Variants in HBS1L observed in about 807,000 individuals in gnomAD.
HBS1L encodes HBS1-like protein.
In HBS1L, 55 loss-of-function variants were observed where a neutral mutation model predicts 88.9. That is an observed-to-expected ratio of 0.62 (90% CI 0.50 to 0.77). The LOEUF (loss-of-function observed/expected upper bound fraction) is 0.77. HBS1L is among the 30% of genes least tolerant of loss of function. HBS1L has a pLI of 0.00. For synonymous variants in HBS1L, 267 were observed against 288.5 expected, an observed-to-expected ratio of 0.93 and a Z score of 0.76; for missense variants, 741 against 829.3, an observed-to-expected ratio of 0.89 and a Z score of 1.31.
At chr6:134,984,913 C>T (rs1774935232) in intron 12 of HBS1L, among the ~76,000 whole-genome samples, 1 of 151,990 alleles carries the variant, frequency 6.6e-6, no homozygotes, top group Non-Finnish European at 1.5e-5. Context: ...CAGACTGTTA[C>T]AGATGGGGAG....
chr6:135,046,960 T>A (rs558114839), intron 2 of HBS1L, among the ~76,000 whole-genome samples: 1 of 152,352 alleles, frequency 6.6e-6, no homozygotes, highest in South Asian at 2.1e-4. Flanking sequence ...TTGAAAAATT[T>A]AAAAATCCAA....
At chr6:135,036,932 G>A (rs759440756) in intron 4 of HBS1L, 1 of 1,551,360 alleles carries the variant, frequency 6.4e-7, no homozygotes, top group Non-Finnish European at 8.7e-7. Context: ...GCAATGGATG[G>A]GTCTACTACA....
chr6:135,025,597 A>G (rs1017827980), intron 4 of HBS1L, among the ~76,000 whole-genome samples: 1 of 152,162 alleles, frequency 6.6e-6, no homozygotes, highest in Admixed American at 6.5e-5. Context: ...CTCAGTCACC[A>G]CACCCCTCCC....
At chr6:135,002,604 A>G in intron 5 of HBS1L, 130 bp downstream of exon 5, 1 of 600,576 alleles carries the variant, frequency 1.7e-6, no homozygotes, top group Non-Finnish European at 3.0e-6. Flanking sequence ...TGTTATACTG[A>G]GGATATATGA....
intron 4 of HBS1L, among the ~76,000 whole-genome samples, chr6:135,032,633 T>A (rs921683026): frequency 6.6e-6 from 1 of 152,148 alleles, no homozygotes; most frequent in African/African-American, 2.4e-5. Flanking sequence ...ATGGTCCACA[T>A]ACAGATTCAG....
rs774317429 is a variant in HBS1L, at chr6:134,985,438, G to A, written c.1424-29C>T. ...GAAAAAAGAAATTGCAAAAGGCAAG[G>A]TTTAATTTAAAATTAAATTTTTGAC... On this transcript the variant is annotated intron_variant, in intron 11 of 17. Coordinates refer to ENST00000367837, the MANE Select transcript of HBS1L (RefSeq NM_006620.4). The A allele has an allele frequency of 3.5e-5, 51 of 1,464,472 alleles. No homozygotes were observed. The South Asian group carries it at 5.6e-4, about 16-fold the overall frequency. 90.7% of individuals were successfully genotyped at this position (1,464,472 alleles called of 1,614,324 possible). A position where few individuals can be genotyped will look rare whatever the true frequency, so the allele number is the denominator to read the frequency against.
intron 4 of HBS1L, 59 bp from the exon 5 acceptor site, chr6:135,002,901 T>C: frequency 3.5e-6 from 3 of 868,876 alleles, no homozygotes; most frequent in Non-Finnish European, 5.4e-6. Flanking sequence ...TAAAGAAATC[T>C]ATTACATAGT....
chr6:135,012,205 T>G (rs1192236639), intron 4 of HBS1L, among the ~76,000 whole-genome samples: 2 of 152,178 alleles, frequency 1.3e-5, no homozygotes, highest in African/African-American at 2.4e-5. Context: ...AACAATGGAA[T>G]AGTATGCTAC....
intron 4 of HBS1L, among the ~76,000 whole-genome samples, chr6:135,011,361 A>C (rs1007229724): frequency 1.3e-5 from 2 of 151,914 alleles, no homozygotes; most frequent in African/African-American, 4.8e-5. Flanking sequence ...ACACACAAAA[A>C]AATTTTCAAT....
At chr6:135,035,445 A>G (rs1204610431) in intron 4 of HBS1L, among the ~76,000 whole-genome samples, 1 of 149,578 alleles carries the variant, frequency 6.7e-6, no homozygotes, top group African/African-American at 2.5e-5. Context: ...ATCTTAAAAA[A>G]AATAATAAGA....
chr6:134,990,386 G>A (rs973241794), intron 8 of HBS1L, among the ~76,000 whole-genome samples: 1 of 151,982 alleles, frequency 6.6e-6, no homozygotes, highest in Non-Finnish European at 1.5e-5. Context: ...TCTATACTGT[G>A]ATTTCCCTGA....
At chr6:134,994,826 T>G (rs1207987351) in intron 7 of HBS1L, among the ~76,000 whole-genome samples, 1 of 152,094 alleles carries the variant, frequency 6.6e-6, no homozygotes, top group Non-Finnish European at 1.5e-5. Flanking sequence ...ACAAGGGCAC[T>G]CAGTCATTCT....
chr6:134,964,149 T>TA lies in HBS1L; in HGVS notation c.*1129dup, dbSNP rs1196636474. ...GGTGCAGGGAGAAGAAATGCTGTTG[T>TA]ATATGTTAAGCCATCGATATACAAA... is the stretch of plus-strand genomic sequence containing the variant. On this transcript the variant is annotated 3_prime_UTR_variant, in exon 18 of 18. Coordinates refer to ENST00000367837, the MANE Select transcript of HBS1L (RefSeq NM_006620.4). 1 of 152,108 alleles carries TA rather than the reference T, an allele frequency of 6.6e-6. No homozygotes were observed. Among genetic ancestry groups the TA allele is most frequent in the African/African-American group, 2.4e-5 (1 of 41,406 alleles). 9.4% of individuals were successfully genotyped at this position (152,108 alleles called of 1,614,324 possible).
Position 134,986,033 on chromosome 6 carries a change from A to G in HBS1L, c.1423+33T>C, listed in dbSNP as rs773478356. ...AAATAATAATTAATACCAAGTTTAT[A>G]ATGCATTAAAGCTAGAATGGCAGTA... On this transcript the variant is annotated intron_variant, in intron 11 of 17. Coordinates refer to ENST00000367837, the MANE Select transcript of HBS1L (RefSeq NM_006620.4). The G allele has an allele frequency of 5.8e-6, 5 of 857,204 alleles. No individual in the cohort carries two copies. In the African/African-American group the frequency reaches 8.5e-5, roughly 15 times the overall value. 53.1% of individuals were successfully genotyped at this position (857,204 alleles called of 1,614,324 possible).
chr6:135,020,149 A>C (rs1393316117), intron 4 of HBS1L, among the ~76,000 whole-genome samples: 1 of 119,140 alleles, frequency 8.4e-6, no homozygotes, highest in Non-Finnish European at 1.8e-5. Context: ...TGAATGATTA[A>C]AAAAAACCCT....
intron 4 of HBS1L, among the ~76,000 whole-genome samples, chr6:135,005,353 C>A (rs913972909): frequency 2.4e-4 from 36 of 152,160 alleles, no homozygotes; most frequent in Admixed American, 2.2e-3. Context: ...ATCGATAGCA[C>A]TTATTGCTCC....
rs1161762820 is a variant in HBS1L, at chr6:134,963,969, A to G, written c.*1310T>C. On this transcript the variant is annotated 3_prime_UTR_variant, in exon 18 of 18. Coordinates refer to ENST00000367837, the MANE Select transcript of HBS1L (RefSeq NM_006620.4). Reference sequence around the variant, plus strand: ...TATTTAAATAAAACTTTCTTAACTCAGTGAATCTGAAGTGACAACTACACA... The same window carrying G: ...TATTTAAATAAAACTTTCTTAACTCGGTGAATCTGAAGTGACAACTACACA... 6.6e-6 allele frequency: 1 copy of G among 152,224 alleles called. No homozygotes were observed. Among genetic ancestry groups the G allele is most frequent in the Non-Finnish European group, 1.5e-5 (1 of 68,044 alleles). The allele number at this position is 152,224 out of a possible 1,614,324, so 9.4% of individuals were successfully genotyped here.
chr6:135,028,934 A>G (rs1776311843), intron 4 of HBS1L, among the ~76,000 whole-genome samples: 1 of 152,078 alleles, frequency 6.6e-6, no homozygotes, highest in African/African-American at 2.4e-5. Flanking sequence ...GGCATGTGAG[A>G]TAACTCAGAA....
chr6:135,039,669 C>A lies in HBS1L; in HGVS notation c.334G>T (p.Val112Leu). The stretch of plus-strand genomic sequence containing the variant: ...AGAACCCCTGACAAAGCCTTCTGCA[C>A]ATCAAACTTGTTCTTCAGAACTGCT... ...IEAVLKNKFD[V>L]QKALSGVLEQ... Residue 112 changes from valine (V) to leucine (L), a missense_variant, in exon 4 of 18, where the codon GTG becomes TTG. Transcript: ENST00000367837. 1 of 1,614,106 alleles carries A rather than the reference C, an allele frequency of 6.2e-7. No individual in the cohort carries two copies. The highest frequency in any genetic ancestry group is 8.5e-7 in the Non-Finnish European group (1 of 1,179,982).
Sources: allele counts gnomAD v4.1 joint callset (sites outside exome capture counted in the v4.1 genomes callset), GRCh38; gene constraint gnomAD v4.1.1; transcripts MANE v1.5; gene names NCBI Gene and HGNC (gene_info 2026-07-23, HGNC 2026-07-21).